The following NBEA variants were observed in gnomAD, a reference collection of about 807,000 sequenced individuals.
The protein encoded by NBEA is lysosomal-trafficking regulator 2.
In NBEA, 44 loss-of-function variants were observed where a neutral mutation model predicts 343.4. The observed-to-expected ratio is 0.13, with a 90% CI of 0.10 to 0.16. NBEA has a LOEUF of 0.16. Ranked by LOEUF, NBEA falls within the 10% of genes least tolerant of loss-of-function variation. The pLI, the probability that NBEA is intolerant of heterozygous loss-of-function variation, is 1.00. For synonymous variants in NBEA, 1,175 were observed against 1,238.7 expected, an observed-to-expected ratio of 0.95 and a Z score of 1.08; for missense variants, 2,555 against 3,631.3, an observed-to-expected ratio of 0.70 and a Z score of 7.62.
intron 24 of NBEA, among the ~76,000 whole-genome samples, chr13:35,167,794 A>G (rs2070153615): frequency 6.6e-6 from 1 of 151,872 alleles, no homozygotes; most frequent in African/African-American, 2.4e-5. Context: ...TCATAAATGA[A>G]AGTGAAAAAT....
intron 10 of NBEA, among the ~76,000 whole-genome samples, chr13:35,095,659 C>T (rs73498479): frequency 0.012 from 1,886 of 151,966 alleles, 45 homozygotes; most frequent in South Asian, 0.038. Flanking sequence ...AAACTCTTAT[C>T]CATTCTTGAA....
chr13:35,150,450 G>A (rs754284944), intron 18 of NBEA, among the ~76,000 whole-genome samples: 16 of 151,960 alleles, frequency 1.1e-4, no homozygotes, highest in African/African-American at 3.6e-4. Flanking sequence ...TTGCTGTGTC[G>A]CATCTAGTTG....
chr13:35,301,146 CACA>C (rs1418175650), intron 35 of NBEA, among the ~76,000 whole-genome samples: 1 of 150,934 alleles, frequency 6.6e-6, no homozygotes, highest in Non-Finnish European at 1.5e-5. Context: ...CTTCATTGAC[CACA>C]ACAATGAGAG....
intron 41 of NBEA, chr13:35,476,928 C>A: frequency 3.6e-6 from 2 of 556,928 alleles, no homozygotes; most frequent in Non-Finnish European, 2.4e-6. Flanking sequence ...TTACTTGAAG[C>A]ATATTGACGT....
chr13:35,415,262 CT>C (rs2043833995), intron 38 of NBEA, among the ~76,000 whole-genome samples: 1 of 152,214 alleles, frequency 6.6e-6, no homozygotes, highest in East Asian at 1.9e-4. Flanking sequence ...TCAATTTTGG[CT>C]TTTGTTGCCA....
At chr13:35,160,162 A>C in intron 22 of NBEA, 130 bp downstream of exon 22, 1 of 856,558 alleles carries the variant, frequency 1.2e-6, no homozygotes, top group Non-Finnish European at 1.7e-6. Flanking sequence ...TAATTTATGG[A>C]ACTAAATAGT....
intron 38 of NBEA, among the ~76,000 whole-genome samples, chr13:35,401,063 T>G (rs1430782184): frequency 2.0e-5 from 3 of 152,004 alleles, no homozygotes; most frequent in Non-Finnish European, 4.4e-5. Context: ...AAACATTGAT[T>G]ATATTATATT....
At chr13:35,108,407 A>C (rs1333179564) in intron 11 of NBEA, among the ~76,000 whole-genome samples, 1 of 152,050 alleles carries the variant, frequency 6.6e-6, no homozygotes, top group Non-Finnish European at 1.5e-5. Flanking sequence ...GCATTGTCCA[A>C]TTAAATTACA....
chr13:34,957,935 T>G (rs1197322264), intron 1 of NBEA, among the ~76,000 whole-genome samples: 1 of 152,128 alleles, frequency 6.6e-6, no homozygotes, highest in Non-Finnish European at 1.5e-5. Context: ...CTATCCAGTG[T>G]GGAAGCCCAT....
At chr13:35,431,096 A>T (rs554773353) in intron 38 of NBEA, among the ~76,000 whole-genome samples, 1 of 152,186 alleles carries the variant, frequency 6.6e-6, no homozygotes, top group East Asian at 1.9e-4. Context: ...CATTGAAAAA[A>T]TCCATAGCTT....
At chr13:35,116,889 C>T (rs183465682) in intron 13 of NBEA, among the ~76,000 whole-genome samples, 8 of 151,940 alleles carry the variant, frequency 5.3e-5, no homozygotes, top group East Asian at 1.9e-4. Flanking sequence ...CACTTATTGA[C>T]GCAGCATAAA....
chr13:34,949,585 C>T (rs2059289542), intron 1 of NBEA, among the ~76,000 whole-genome samples: 1 of 152,098 alleles, frequency 6.6e-6, no homozygotes, highest in African/African-American at 2.4e-5. Context: ...ATTCCATTAG[C>T]AAGGACAGGG....
intron 18 of NBEA, 58 bp from the exon 19 acceptor site, chr13:35,155,716 T>C: frequency 7.5e-7 from 1 of 1,325,998 alleles, no homozygotes; most frequent in Non-Finnish European, 1.1e-6. Context: ...TATATCTATA[T>C]TTTGCAATTA....
intron 41 of NBEA, among the ~76,000 whole-genome samples, chr13:35,503,810 C>T (rs540581570): frequency 2.8e-4 from 42 of 152,076 alleles, no homozygotes; most frequent in African/African-American, 9.9e-4. Flanking sequence ...TTTTTGTTAA[C>T]CTGATTAACT....
At chr13:35,389,466 A>C (rs764814863) in intron 38 of NBEA, among the ~76,000 whole-genome samples, 2 of 152,068 alleles carry the variant, frequency 1.3e-5, no homozygotes, top group African/African-American at 4.8e-5. Context: ...ATGTCTCTCT[A>C]TTTCTTACTG....
chr13:35,474,242 A>C (rs2075769910), intron 41 of NBEA: 1 of 152,628 alleles, frequency 6.6e-6, no homozygotes, highest in African/African-American at 2.4e-5. Flanking sequence ...ATTAAATAAA[A>C]ACCAGCAACA....
At chr13:35,269,504 T>C (rs1470317419) in intron 34 of NBEA, among the ~76,000 whole-genome samples, 4 of 152,164 alleles carry the variant, frequency 2.6e-5, no homozygotes, top group African/African-American at 4.8e-5. Flanking sequence ...GTCAATATTA[T>C]AGAGAAGTCA....
At chr13:35,194,673 T>C (rs944474356) in intron 30 of NBEA, among the ~76,000 whole-genome samples, 16 of 152,248 alleles carry the variant, frequency 1.1e-4, no homozygotes, top group African/African-American at 3.6e-4. Flanking sequence ...AGGACTGTTA[T>C]CTCCATTATA....
chr13:35,640,126 T>A (rs1238852264), intron 49 of NBEA, among the ~76,000 whole-genome samples: 1 of 152,216 alleles, frequency 6.6e-6, no homozygotes, highest in Non-Finnish European at 1.5e-5. Flanking sequence ...ACATTTAATT[T>A]TACCTTAGTA....
Sources: gnomAD v4.1 joint callset for allele counts (sites outside exome capture counted in the v4.1 genomes callset) on GRCh38, gnomAD v4.1.1 for gene constraint, MANE v1.5 for transcripts, NCBI Gene and HGNC (gene_info 2026-07-23, HGNC 2026-07-21) for gene names.